SPDYA: variants seen among roughly 807,000 people sequenced by gnomAD.
SPDYA encodes speedy/RINGO cell cycle regulator family member A.
SPDYA carries 11 observed loss-of-function variants against 36.7 expected under a neutral mutation model. That is an observed-to-expected ratio of 0.30 (90% CI 0.19 to 0.50). SPDYA has a LOEUF of 0.50. Among genes scored for constraint, SPDYA ranks in the 20% least tolerant of loss-of-function variants. SPDYA has a pLI of 0.98. For missense variants in SPDYA, 287 were observed against 370.9 expected (o/e 0.77, Z 1.86); for synonymous variants, 115 against 118.7 (o/e 0.97, Z 0.20).
intron 6 of SPDYA, among the ~76,000 whole-genome samples, chr2:28,832,967 G>C (rs1209894528): frequency 1.3e-5 from 2 of 151,464 alleles, no homozygotes; most frequent in Non-Finnish European, 2.9e-5. Context: ...AGCCTCCCAA[G>C]TAGCTGGGAC....
intron 5 of SPDYA, among the ~76,000 whole-genome samples, chr2:28,823,052 A>G (rs995208488): frequency 1.5e-4 from 23 of 152,226 alleles, no homozygotes; most frequent in Admixed American, 8.5e-4. Flanking sequence ...CAATTAATAT[A>G]TAGTAAAAAT....
chr2:28,823,732 T>C (rs1181994104), intron 5 of SPDYA, among the ~76,000 whole-genome samples: 2 of 94,128 alleles, frequency 2.1e-5, no homozygotes, highest in African/African-American at 7.3e-5. Context: ...TATATATATA[T>C]ATATATATAT....
chr2:28,820,013 A>G (rs1668118051), intron 4 of SPDYA, among the ~76,000 whole-genome samples: 1 of 150,214 alleles, frequency 6.7e-6, no homozygotes, highest in African/African-American at 2.5e-5. Flanking sequence ...CCTGTCTCAA[A>G]AACGAACAAA....
At chr2:28,822,898 G>A (rs768861837) in intron 5 of SPDYA, among the ~76,000 whole-genome samples, 5 of 152,122 alleles carry the variant, frequency 3.3e-5, no homozygotes, top group African/African-American at 2.4e-5. Context: ...GAGCCACTGC[G>A]CCTGGCCAAG....
intron 6 of SPDYA, among the ~76,000 whole-genome samples, chr2:28,835,422 G>A (rs1029271682): frequency 6.6e-6 from 1 of 152,104 alleles, no homozygotes; most frequent in Non-Finnish European, 1.5e-5. Flanking sequence ...TTTTAGTAGA[G>A]ACAGGGTTTT....
intron 7 of SPDYA, among the ~76,000 whole-genome samples, chr2:28,849,094 T>G (rs1668964327): frequency 6.6e-6 from 1 of 152,036 alleles, no homozygotes; most frequent in African/African-American, 2.4e-5. Flanking sequence ...ACATCTATAT[T>G]TAAACAGAGA....
intron 7 of SPDYA, among the ~76,000 whole-genome samples, chr2:28,841,051 C>T (rs1289102635): frequency 3.3e-5 from 5 of 150,750 alleles, no homozygotes; most frequent in Admixed American, 6.7e-5. Flanking sequence ...TCTCATGCCT[C>T]AGCCTCCTAA....
chr2:28,823,903 G>A (rs930749738), intron 5 of SPDYA, among the ~76,000 whole-genome samples: 4 of 147,908 alleles, frequency 2.7e-5, no homozygotes, highest in Non-Finnish European at 3.0e-5. Flanking sequence ...CCACCACCAC[G>A]CCCAACTAAT....
At chr2:28,845,104 C>T (rs1284566054) in intron 7 of SPDYA, among the ~76,000 whole-genome samples, 4 of 151,890 alleles carry the variant, frequency 2.6e-5, no homozygotes, top group African/African-American at 9.7e-5. Flanking sequence ...TTTCCCCCAC[C>T]AGCCAGGATC....
chr2:28,826,112 CT>C, intron 5 of SPDYA, among the ~76,000 whole-genome samples: 1 of 151,652 alleles, frequency 6.6e-6, no homozygotes, highest in Non-Finnish European at 1.5e-5. Context: ...ATTTGGTAAC[CT>C]TTCTGAAGAT....
chr2:28,812,783 G>C (rs1376289393), intron 1 of SPDYA, among the ~76,000 whole-genome samples: 2 of 149,562 alleles, frequency 1.3e-5, no homozygotes, highest in Admixed American at 1.3e-4. Flanking sequence ...CTTGAACCCA[G>C]GAGGCGGAGG....
rs1668233090 is a variant in SPDYA, at chr2:28,823,723, ATATATATATATATATATATATAAAAT to A, written c.380+1315_380+1340del. 4.6e-5 allele frequency among the ~76,000 whole-genome samples: 5 copies of A among 108,264 alleles called. No homozygotes were observed. The South Asian group carries it at 1.7e-3, about 36-fold the overall frequency. 71.0% of individuals were successfully genotyped at this position (108,264 alleles called of 152,430 possible). The stretch of plus-strand genomic sequence containing the variant: ...CATGAATATATATATATATATATAT[ATATATATATATATATATATATAAAAT>A]TTTTTTTTTTTTTTGAGATGGAGTC... On this transcript the variant is annotated intron_variant, in intron 5 of 7. Coordinates refer to ENST00000334056, the MANE Select transcript of SPDYA (RefSeq NM_182756.4).
rs1166251916 is a variant in SPDYA at position 28,811,151 on chromosome 2, T to TG, written c.-93+207dup. The stretch of plus-strand genomic sequence containing the variant: ...CACACGCGCTCCCCGCAGCGGGCTC[T>TG]GGGCTGAGGGACCTGGCGAGGGAGG... On this transcript the variant is annotated intron_variant, in intron 1 of 7. Transcript: ENST00000334056. The surrounding 1 kb of genome is among the most constrained non-coding windows in gnomAD (Gnocchi z 4.2). 2 of 152,296 alleles carry TG rather than the reference T, an allele frequency of 1.3e-5. No homozygotes were observed. Among genetic ancestry groups the TG allele is most frequent in the Non-Finnish European group, 2.9e-5 (2 of 68,118 alleles). 9.4% of individuals were successfully genotyped at this position (152,296 alleles called of 1,614,324 possible).
intron 6 of SPDYA, among the ~76,000 whole-genome samples, chr2:28,834,375 T>C (rs1449373412): frequency 6.6e-6 from 1 of 152,158 alleles, no homozygotes; most frequent in Non-Finnish European, 1.5e-5. Context: ...TGGCTATATA[T>C]GCCAAAGGGT....
intron 6 of SPDYA, among the ~76,000 whole-genome samples, chr2:28,832,055 C>G (rs967720893): frequency 1.3e-5 from 2 of 152,166 alleles, no homozygotes; most frequent in Non-Finnish European, 2.9e-5. Context: ...AACTTTATCC[C>G]CCAGCTACCA....
At chr2:28,843,550 CA>C (rs371405702) in intron 7 of SPDYA, among the ~76,000 whole-genome samples, 1,383 of 110,734 alleles carry the variant, frequency 0.012, 21 homozygotes, top group African/African-American at 0.037. Context: ...AACTTCGTCT[CA>C]AAAAAAAAAA....
intron 6 of SPDYA, among the ~76,000 whole-genome samples, chr2:28,834,237 G>A (rs959132531): frequency 1.3e-5 from 2 of 152,150 alleles, no homozygotes; most frequent in Non-Finnish European, 2.9e-5. Context: ...TGAAGAGGAT[G>A]TGGAGATACT....
intron 7 of SPDYA, chr2:28,840,922 C>T: frequency 4.3e-6 from 1 of 230,218 alleles, no homozygotes; most frequent in Non-Finnish European, 6.9e-6. Context: ...TTGAGTCCTC[C>T]AAAACCAGTT....
intron 6 of SPDYA, 99 bp from the exon 7 acceptor site, chr2:28,840,073 C>T: frequency 8.9e-7 from 1 of 1,127,584 alleles, no homozygotes; most frequent in Non-Finnish European, 1.2e-6. Flanking sequence ...TTTTTATCTT[C>T]ACTTTAGAGA....
Sources: gnomAD v4.1 joint callset for allele counts (sites outside exome capture counted in the v4.1 genomes callset) on GRCh38, gnomAD v4.1.1 for gene constraint, Gnocchi (gnomAD v3.1) non-coding constraint, MANE v1.5 for transcripts, NCBI Gene and HGNC (gene_info 2026-07-23, HGNC 2026-07-21) for gene names.